Variants in GABRA3 observed in about 807,000 individuals in gnomAD.
GABRA3 encodes the protein gamma-aminobutyric acid type A receptor subunit alpha3.
A neutral mutation model predicts 30.1 loss-of-function variants in GABRA3; 10 were observed. The ratio of observed to expected loss-of-function variants is 0.33; its 90% confidence interval spans 0.20 to 0.56. The LOEUF (loss-of-function observed/expected upper bound fraction) is 0.56. Ranked by LOEUF, GABRA3 falls within the 20% of genes least tolerant of loss-of-function variation. The pLI is 0.89. For missense variants in GABRA3, 233 were observed against 392.0 expected, an observed-to-expected ratio of 0.59 and a Z score of 3.42; for synonymous variants, 151 against 146.8, an observed-to-expected ratio of 1.03 and a Z score of -0.21.
intron 1 of GABRA3, among the ~76,000 whole-genome samples, chrX:152,365,547 T>G (rs1311895158): frequency 8.9e-6 from 1 of 111,845 alleles, no homozygotes; most frequent in Non-Finnish European, 1.9e-5. Flanking sequence ...GTGGCTTCTT[T>G]GATTATGAGA....
Position 152,406,595 on chromosome X carries a change from T to TA in GABRA3, c.-26-42000_-26-41999insT, listed in dbSNP as rs201232943. ...GAATATATATATATATATATATATA[T>TA]TTTTATATGGCAAATGTTATTAGAG... On this transcript the variant is annotated intron_variant, in intron 1 of 9. Transcript: ENST00000370314. Among the ~76,000 whole-genome samples the TA allele has an allele frequency of 1.6e-4, 17 of 105,629 alleles. No homozygotes were observed. The South Asian group carries it at 5.0e-3, about 31-fold the overall frequency. 91.7% of individuals were successfully genotyped at this position (105,629 alleles called of 115,157 possible).
At chrX:152,236,045 C>G (rs1165989560) in intron 5 of GABRA3, among the ~76,000 whole-genome samples, 2 of 91,218 alleles carry the variant, frequency 2.2e-5, no homozygotes, top group African/African-American at 8.2e-5. Flanking sequence ...GCACATTGTG[C>G]AGGTTAGTTA....
intron 1 of GABRA3, among the ~76,000 whole-genome samples, chrX:152,399,678 T>C (rs761150450): frequency 8.9e-6 from 1 of 111,980 alleles, no homozygotes; most frequent in African/African-American, 3.2e-5. Flanking sequence ...ACTAGCAGAT[T>C]TGCATATTAG....
At chrX:152,302,557 C>T (rs766397481) in intron 3 of GABRA3, among the ~76,000 whole-genome samples, 5 of 111,293 alleles carry the variant, frequency 4.5e-5, no homozygotes, top group Non-Finnish European at 7.5e-5. Context: ...AGCTTATAAA[C>T]ATAGCCTGAA....
intron 1 of GABRA3, among the ~76,000 whole-genome samples, chrX:152,440,829 C>T (rs1930907025): frequency 2.7e-5 from 3 of 110,286 alleles, no homozygotes; most frequent in Admixed American, 9.7e-5. Context: ...CACATGGACA[C>T]AGGGAGGGGA....
chrX:152,439,734 C>A lies in GABRA3; in HGVS notation c.-27+11412G>T, dbSNP rs182767011. ...CCTAAACTGTTGAATGAATAAATTA[C>A]TCAGCAATAATAAAGAATAAACAAT... is the stretch of plus-strand genomic sequence containing the variant. On this transcript the variant is annotated intron_variant, in intron 1 of 9. Coordinates refer to ENST00000370314, the MANE Select transcript of GABRA3 (RefSeq NM_000808.4). Among the ~76,000 whole-genome samples, 453 of 111,462 alleles carry A rather than the reference C, an allele frequency of 4.1e-3. 1 individual carries two copies. The highest frequency in any genetic ancestry group is 0.014 in the African/African-American group (415 of 30,671).
intron 5 of GABRA3, among the ~76,000 whole-genome samples, chrX:152,225,408 A>ACACACAC (rs1937925159): frequency 5.9e-5 from 4 of 67,821 alleles, no homozygotes; most frequent in African/African-American, 2.1e-4. Context: ...ACACACGCAC[A>ACACACAC]CACACACACG....
chrX:152,312,564 C>T (rs1054448699), intron 3 of GABRA3, among the ~76,000 whole-genome samples: 3 of 111,941 alleles, frequency 2.7e-5, no homozygotes, highest in East Asian at 5.6e-4. Context: ...CCATTCTGGA[C>T]ATAGGACCTG....
At chrX:152,366,911 G>A (rs1928675407) in intron 1 of GABRA3, among the ~76,000 whole-genome samples, 1 of 111,382 alleles carries the variant, frequency 9.0e-6, no homozygotes, top group Non-Finnish European at 1.9e-5. Flanking sequence ...CCATGAGTAG[G>A]CAGACATGGT....
intron 2 of GABRA3, among the ~76,000 whole-genome samples, chrX:152,360,454 A>T (rs1180267158): frequency 9.8e-6 from 1 of 101,962 alleles, no homozygotes; most frequent in African/African-American, 3.6e-5. Flanking sequence ...TTAACAAAAA[A>T]CCAAACACCG....
chrX:152,365,105 G>C (rs935555749), intron 1 of GABRA3, among the ~76,000 whole-genome samples: 3 of 111,515 alleles, frequency 2.7e-5, no homozygotes, highest in African/African-American at 9.8e-5. Flanking sequence ...TACTATCCTA[G>C]TATATTAAGA....
intron 3 of GABRA3, among the ~76,000 whole-genome samples, chrX:152,319,872 T>C (rs1939935159): frequency 9.1e-6 from 1 of 109,365 alleles, no homozygotes; most frequent in South Asian, 3.9e-4. Context: ...ATTAAAAAAA[T>C]AGCAAGAAAA....
intron 4 of GABRA3, among the ~76,000 whole-genome samples, chrX:152,283,379 T>C (rs1939231816): frequency 9.0e-6 from 1 of 111,504 alleles, no homozygotes; most frequent in Admixed American, 9.6e-5. Flanking sequence ...ACCCTTCTCT[T>C]TACTCTACAC....
At chrX:152,260,602 G>A (rs770642998) in intron 4 of GABRA3, among the ~76,000 whole-genome samples, 1 of 111,930 alleles carries the variant, frequency 8.9e-6, no homozygotes, top group Non-Finnish European at 1.9e-5. Flanking sequence ...GACTGGTAAT[G>A]CAGAGAATTC....
intron 2 of GABRA3, among the ~76,000 whole-genome samples, chrX:152,351,297 C>T (rs752156168): frequency 3.5e-4 from 39 of 112,112 alleles, no homozygotes; most frequent in African/African-American, 1.2e-3. Flanking sequence ...GTTTCTTCTA[C>T]CAAAATCTGT....
chrX:152,297,189 T>G (rs1381113590), intron 3 of GABRA3, among the ~76,000 whole-genome samples: 1 of 111,971 alleles, frequency 8.9e-6, no homozygotes, highest in African/African-American at 3.2e-5. Flanking sequence ...TGGACAAAGT[T>G]CACTGCCTGT....
chrX:152,382,354 T>C (rs1451253992), intron 1 of GABRA3, among the ~76,000 whole-genome samples: 1 of 112,040 alleles, frequency 8.9e-6, no homozygotes, highest in African/African-American at 3.2e-5. Context: ...GTTCAACCAT[T>C]GTGGAAGACA....
chrX:152,375,381 C>A (rs1194453871), intron 1 of GABRA3, among the ~76,000 whole-genome samples: 1 of 112,203 alleles, frequency 8.9e-6, no homozygotes, highest in Non-Finnish European at 1.9e-5. Flanking sequence ...GTATCTTATG[C>A]ATAATTGCTC....
At position 152,275,200 on chromosome X, in the gene GABRA3, TTATA is replaced by T. The variant is rs1204488210; in HGVS notation, c.330+9464_330+9467del. 8.2e-5 allele frequency among the ~76,000 whole-genome samples: 4 copies of T among 48,705 alleles called. No individual in the cohort carries two copies. The East Asian group carries it at 2.0e-3, about 25-fold the overall frequency. 42.3% of individuals were successfully genotyped at this position (48,705 alleles called of 115,157 possible). ...ATATATTTAATATTATATATATAAT[TTATA>T]TATATAATATTATATATATATAATT... On this transcript the variant is annotated intron_variant, in intron 4 of 9. Coordinates refer to ENST00000370314, the MANE Select transcript of GABRA3 (RefSeq NM_000808.4).
Sources: gnomAD v4.1 joint callset for allele counts (sites outside exome capture counted in the v4.1 genomes callset) on GRCh38, gnomAD v4.1.1 for gene constraint, MANE v1.5 for transcripts, NCBI Gene and HGNC (gene_info 2026-07-23, HGNC 2026-07-21) for gene names.